Variants in ZNF827 observed in about 807,000 individuals in gnomAD.
ZNF827 encodes zinc finger protein 827.
In ZNF827, 13 loss-of-function variants were observed where a neutral mutation model predicts 102.4. The observed-to-expected ratio is 0.13, with a 90% CI of 0.08 to 0.20. The LOEUF is 0.20. Ranked by LOEUF, ZNF827 falls within the 10% of genes least tolerant of loss-of-function variation. The pLI is 1.00. For synonymous variants in ZNF827, 523 were observed against 536.2 expected, an observed-to-expected ratio of 0.98 and a Z score of 0.34; for missense variants, 1,103 against 1,344.4, an observed-to-expected ratio of 0.82 and a Z score of 2.81.
In ZNF827 at chr4:145,761,290, A is replaced by G. The variant is rs1734456770; in HGVS notation, c.*326T>C. On this transcript the variant is annotated 3_prime_UTR_variant, in exon 15 of 15. Coordinates refer to ENST00000508784, the MANE Select transcript of ZNF827 (RefSeq NM_001306215.2). The surrounding 1 kb of genome is among the most constrained non-coding windows in gnomAD (Gnocchi z 6.8). ...GAAGGTCTGGCGTGGGGCGTGCTTCAGCTTCTTGTGCAGGTTGAGATTGTC... is the reference window on the plus strand; with the variant it reads ...GAAGGTCTGGCGTGGGGCGTGCTTCGGCTTCTTGTGCAGGTTGAGATTGTC... The G allele has an allele frequency of 2.3e-6, 3 of 1,289,940 alleles. No individual in the cohort carries two copies. The highest frequency in any genetic ancestry group is 3.0e-6 in the Non-Finnish European group (3 of 988,886). 79.9% of individuals were successfully genotyped at this position (1,289,940 alleles called of 1,614,324 possible).
chr4:145,932,199 A>C (rs1303400273), intron 1 of ZNF827, among the ~76,000 whole-genome samples: 1 of 152,206 alleles, frequency 6.6e-6, no homozygotes, highest in Non-Finnish European at 1.5e-5. Context: ...ACTGTTTATA[A>C]AATACCCAGT....
intron 5 of ZNF827, among the ~76,000 whole-genome samples, chr4:145,856,985 G>GCGCGCACACA (rs140194085): frequency 4.9e-4 from 68 of 140,156 alleles, no homozygotes; most frequent in African/African-American, 1.7e-3. Flanking sequence ...GCACGCGCAC[G>GCGCGCACACA]CACACACACA....
chr4:145,914,296 CA>C (rs1486312868), intron 1 of ZNF827, among the ~76,000 whole-genome samples: 1 of 152,142 alleles, frequency 6.6e-6, no homozygotes, highest in Non-Finnish European at 1.5e-5. Context: ...ACGTATAAAA[CA>C]AAAGCTGCAA....
chr4:145,889,699 G>A (rs1239175887), intron 3 of ZNF827, among the ~76,000 whole-genome samples: 2 of 152,094 alleles, frequency 1.3e-5, no homozygotes, highest in African/African-American at 2.4e-5. Context: ...GTCCACGGCC[G>A]GGTGCAGTGG....
intron 11 of ZNF827, among the ~76,000 whole-genome samples, chr4:145,769,601 C>T (rs1350127358): frequency 6.6e-6 from 1 of 152,160 alleles, no homozygotes; most frequent in Non-Finnish European, 1.5e-5. Context: ...AATGTGTAAT[C>T]CCTAGTCCAA....
chr4:145,895,598 T>C (rs1211924622), intron 2 of ZNF827, among the ~76,000 whole-genome samples: 8 of 152,162 alleles, frequency 5.3e-5, no homozygotes, highest in Admixed American at 5.2e-4. Context: ...AGAAACCAAA[T>C]GATAAAAGTA....
chr4:145,886,245 T>C lies in ZNF827; in HGVS notation c.1267-87A>G, dbSNP rs890361869. ...AGATCCAGACTATTCATCAATCATT[T>C]CCTCACCGTGCAAAGGGCTGGCCTT... On this transcript the variant is annotated intron_variant, in intron 3 of 14. Transcript: ENST00000508784. 4 of 1,479,854 alleles carry C rather than the reference T, an allele frequency of 2.7e-6. No homozygotes were observed. The African/African-American group carries it at 4.2e-5, about 16-fold the overall frequency. 91.7% of individuals were successfully genotyped at this position (1,479,854 alleles called of 1,614,324 possible).
intron 8 of ZNF827, among the ~76,000 whole-genome samples, chr4:145,785,634 A>G (rs1738741830): frequency 1.3e-5 from 2 of 152,272 alleles, no homozygotes; most frequent in East Asian, 3.9e-4. Flanking sequence ...CTGAACGATC[A>G]TCTTGTTCAA....
chr4:145,796,779 G>C (rs576540776), intron 8 of ZNF827, among the ~76,000 whole-genome samples: 1 of 152,008 alleles, frequency 6.6e-6, no homozygotes, highest in Non-Finnish European at 1.5e-5. Context: ...ACAGATGCCC[G>C]CTACCACGCC....
chr4:145,813,079 C>A (rs1038708890), intron 8 of ZNF827, among the ~76,000 whole-genome samples: 6 of 152,194 alleles, frequency 3.9e-5, no homozygotes, highest in African/African-American at 7.2e-5. Context: ...CCATTAAACG[C>A]CCATTAGTCA....
rs1560894715 is a variant in ZNF827 at position 145,768,911 on chromosome 4, AT to A, written c.2861-3174del. On this transcript the variant is annotated intron_variant, in intron 11 of 14. Transcript: ENST00000508784. ...AAAAAATATATATATATATATATAT[AT>A]ATATTAGGTATACAAAGTTTGGAAA... 3.8e-3 allele frequency among the ~76,000 whole-genome samples: 181 copies of A among 47,452 alleles called. 40 individuals carry two copies. Among genetic ancestry groups the A allele is most frequent in the African/African-American group, 0.011 (166 of 14,720 alleles). The allele number at this position is 47,452 out of a possible 152,430, so 31.1% of individuals were successfully genotyped here.
At position 145,760,720 on chromosome 4, in the gene ZNF827, G is replaced by GT. The variant is rs10715391; in HGVS notation, c.*895dup. On this transcript the variant is annotated 3_prime_UTR_variant, in exon 15 of 15. Transcript: ENST00000508784. ...GCTGGGGTTGTGTTTAAGTTTTGTGGTTTTTTTTTTTTTTTTTGTCTTTTG... is the reference window on the plus strand; with the variant it reads ...GCTGGGGTTGTGTTTAAGTTTTGTGGTTTTTTTTTTTTTTTTTTGTCTTTTG... 6.0e-3 allele frequency: 4,190 copies of GT among 702,130 alleles called. 1 individual carries two copies. Among genetic ancestry groups the GT allele is most frequent in the East Asian group, 9.7e-3 (86 of 8,874 alleles). 43.5% of individuals were successfully genotyped at this position (702,130 alleles called of 1,614,324 possible).
At chr4:145,810,579 G>A (rs1315518611) in intron 8 of ZNF827, among the ~76,000 whole-genome samples, 2 of 152,204 alleles carry the variant, frequency 1.3e-5, no homozygotes, top group Non-Finnish European at 2.9e-5. Flanking sequence ...CACAGTTTAA[G>A]AAATTATCCA....
rs997221707 is a variant in ZNF827, at chr4:145,938,579, A to T, written c.-172T>A. ...CAATGGGTTGAAGCTTGTTTCCTGG[A>T]GCCAGAAGAGGGGTTTTCTTCTTTT... On this transcript the variant is annotated 5_prime_UTR_variant, in exon 1 of 15. Coordinates refer to ENST00000508784, the MANE Select transcript of ZNF827 (RefSeq NM_001306215.2). 4 of 521,112 alleles carry T rather than the reference A, an allele frequency of 7.7e-6. No homozygotes were observed. The highest frequency in any genetic ancestry group is 3.0e-5 in the East Asian group (1 of 32,894). The allele number at this position is 521,112 out of a possible 1,614,324, so 32.3% of individuals were successfully genotyped here. A position where few individuals can be genotyped will look rare whatever the true frequency, so the allele number is the denominator to read the frequency against.
chr4:145,836,515 C>T (rs1303757832), intron 7 of ZNF827, among the ~76,000 whole-genome samples: 1 of 152,200 alleles, frequency 6.6e-6, no homozygotes, highest in African/African-American at 2.4e-5. Flanking sequence ...GACGCATATA[C>T]TTTCTGCTCC....
chr4:145,811,645 A>T (rs553647674), intron 8 of ZNF827, among the ~76,000 whole-genome samples: 1 of 152,188 alleles, frequency 6.6e-6, no homozygotes, highest in Admixed American at 6.5e-5. Flanking sequence ...ACAATTTTTT[A>T]ATCATTTAAA....
chr4:145,877,460 G>A (rs1398281405), intron 4 of ZNF827, among the ~76,000 whole-genome samples: 2 of 152,118 alleles, frequency 1.3e-5, no homozygotes, highest in Non-Finnish European at 2.9e-5. Context: ...ATATTCAAAT[G>A]GAATGTTTAG....
chr4:145,916,787 T>C (rs1340720569), intron 1 of ZNF827, among the ~76,000 whole-genome samples: 1 of 152,210 alleles, frequency 6.6e-6, no homozygotes, highest in Non-Finnish European at 1.5e-5. Context: ...AGAAGCCATG[T>C]AGCTCCTTCA....
chr4:145,811,501 G>T (rs1487506513), intron 8 of ZNF827, among the ~76,000 whole-genome samples: 1 of 152,178 alleles, frequency 6.6e-6, no homozygotes, highest in Non-Finnish European at 1.5e-5. Context: ...TCTCGTAGGG[G>T]TGAGGAGGTC....
Sources: gnomAD v4.1 joint callset for allele counts (sites outside exome capture counted in the v4.1 genomes callset) on GRCh38, gnomAD v4.1.1 for gene constraint, Gnocchi (gnomAD v3.1) non-coding constraint, MANE v1.5 for transcripts, NCBI Gene and HGNC (gene_info 2026-07-23, HGNC 2026-07-21) for gene names.